The following OPCML variants were observed in gnomAD, a reference collection of about 807,000 sequenced individuals.
OPCML encodes opioid binding protein/cell adhesion molecule like.
In OPCML, 13 loss-of-function variants were observed where a neutral mutation model predicts 37.8. The ratio of observed to expected loss-of-function variants is 0.34; its 90% confidence interval spans 0.22 to 0.55. OPCML has a LOEUF of 0.55. Ranked by LOEUF, OPCML falls within the 20% of genes least tolerant of loss-of-function variation. The pLI, the probability that OPCML is intolerant of heterozygous loss-of-function variation, is 0.91. For synonymous variants in OPCML, 176 were observed against 168.8 expected, an observed-to-expected ratio of 1.04 and a Z score of -0.33; for missense variants, 341 against 435.6, an observed-to-expected ratio of 0.78 and a Z score of 1.93.
At chr11:133,500,641 G>A (rs1947890735) in intron 1 of OPCML, among the ~76,000 whole-genome samples, 1 of 152,178 alleles carries the variant, frequency 6.6e-6, no homozygotes, top group Non-Finnish European at 1.5e-5. Context: ...AGCTCCCATG[G>A]CAGCTCCTGC....
intron 4 of OPCML, among the ~76,000 whole-genome samples, chr11:132,483,592 AG>A (rs2096188567): frequency 6.6e-6 from 1 of 152,218 alleles, no homozygotes; most frequent in African/African-American, 2.4e-5. Context: ...GAACCAAAAA[AG>A]AGCCCGCATC....
intron 3 of OPCML, among the ~76,000 whole-genome samples, chr11:132,562,105 A>G (rs576458373): frequency 1.1e-4 from 17 of 152,306 alleles, no homozygotes; most frequent in Non-Finnish European, 2.4e-4. Context: ...AGAGGAATGT[A>G]TTTGAGTTGT....
chr11:133,099,236 A>G, intron 1 of OPCML, among the ~76,000 whole-genome samples: 1 of 151,884 alleles, frequency 6.6e-6, no homozygotes, highest in East Asian at 1.9e-4. Context: ...AGTCTCCGAA[A>G]CTTTGCCAAC....
At chr11:132,881,805 G>A (rs1943235002) in intron 2 of OPCML, among the ~76,000 whole-genome samples, 1 of 152,136 alleles carries the variant, frequency 6.6e-6, no homozygotes, top group Admixed American at 6.5e-5. Context: ...TTGTAGTGCT[G>A]AAAAGTTGTG....
intron 1 of OPCML, among the ~76,000 whole-genome samples, chr11:133,101,855 C>T (rs7931020): frequency 0.11 from 16,566 of 152,096 alleles, 1,342 homozygotes; most frequent in African/African-American, 0.23. Flanking sequence ...AACTGTGGTA[C>T]TTCCAGGCAC....
chr11:132,601,299 C>T (rs1284963486), intron 3 of OPCML, among the ~76,000 whole-genome samples: 1 of 152,086 alleles, frequency 6.6e-6, no homozygotes, highest in African/African-American at 2.4e-5. Context: ...TGCTCCAGGA[C>T]TGTATAGAGC....
chr11:132,508,841 G>A (rs887227189), intron 4 of OPCML, among the ~76,000 whole-genome samples: 13 of 152,216 alleles, frequency 8.5e-5, no homozygotes, highest in South Asian at 2.1e-4. Context: ...TATCAGCAGC[G>A]TGAAAATGGA....
At chr11:132,556,338 AT>A (rs553879134) in intron 3 of OPCML, among the ~76,000 whole-genome samples, 1 of 152,134 alleles carries the variant, frequency 6.6e-6, no homozygotes, top group East Asian at 1.9e-4. Context: ...ATCTTACTTG[AT>A]TTTTTTCTCC....
chr11:132,826,606 A>G (rs981054203), intron 2 of OPCML, among the ~76,000 whole-genome samples: 1 of 152,306 alleles, frequency 6.6e-6, no homozygotes, highest in South Asian at 2.1e-4. Flanking sequence ...TGGCCATAGC[A>G]CTTCCAAAAC....
At chr11:132,746,460 C>A (rs564761220) in intron 2 of OPCML, among the ~76,000 whole-genome samples, 4 of 152,160 alleles carry the variant, frequency 2.6e-5, no homozygotes, top group East Asian at 1.9e-4. Context: ...CTCCTCCCCC[C>A]ACCTCTGTGT....
At chr11:133,480,863 A>C (rs911543009) in intron 1 of OPCML, among the ~76,000 whole-genome samples, 1 of 152,240 alleles carries the variant, frequency 6.6e-6, no homozygotes, top group Admixed American at 6.5e-5. Context: ...ACAATACTGA[A>C]TGGGATGACT....
intron 2 of OPCML, among the ~76,000 whole-genome samples, chr11:132,746,722 G>A (rs529035097): frequency 1.7e-4 from 26 of 152,288 alleles, no homozygotes; most frequent in South Asian, 8.3e-4. Flanking sequence ...ATTTCATAAC[G>A]TAGCATCACA....
At chr11:133,005,202 C>T in intron 1 of OPCML, 1 of 985,426 alleles carries the variant, frequency 1.0e-6, no homozygotes, top group Non-Finnish European at 1.2e-6. Flanking sequence ...GCCATATCCC[C>T]ACTGCCAACC....
At chr11:132,663,087 C>T (rs1370816126) in intron 2 of OPCML, among the ~76,000 whole-genome samples, 1 of 152,198 alleles carries the variant, frequency 6.6e-6, no homozygotes, top group Non-Finnish European at 1.5e-5. Flanking sequence ...ACTCCATTCT[C>T]TTTGTAATAT....
rs115161499 is a variant in OPCML, at chr11:132,547,838, T to A, written c.380-18652A>T. ...TATCCTTGAACACATGCATTACTGG[T>A]GACAGTGTCAAGCAGCGTGCATTGG... On this transcript the variant is annotated intron_variant, in intron 3 of 7. Transcript: ENST00000524381. Among the ~76,000 whole-genome samples the A allele has an allele frequency of 3.7e-3, 567 of 152,198 alleles. 4 individuals are homozygous for A. Among genetic ancestry groups the A allele is most frequent in the African/African-American group, 0.012 (503 of 41,538 alleles).
At chr11:133,204,886 A>ATATGTG (rs1555114219) in intron 1 of OPCML, among the ~76,000 whole-genome samples, 1 of 42,604 alleles carries the variant, frequency 2.3e-5, no homozygotes, top group African/African-American at 6.5e-5. Context: ...ATATATATAT[A>ATATGTG]TATATATATA....
chr11:133,397,461 C>G (rs1228541657), intron 1 of OPCML, among the ~76,000 whole-genome samples: 2 of 152,204 alleles, frequency 1.3e-5, no homozygotes, highest in Non-Finnish European at 2.9e-5. Flanking sequence ...AGCTTATGTA[C>G]TGAGCGGACT....
At chr11:133,487,775 T>TTGTGTGTGTGTG (rs10625092) in intron 1 of OPCML, among the ~76,000 whole-genome samples, 2 of 147,362 alleles carry the variant, frequency 1.4e-5, no homozygotes, top group African/African-American at 5.0e-5. Context: ...TACTCTGTGT[T>TTGTGTGTGTGTG]TGTGTGTGTG....
chr11:133,253,784 A>G (rs1941221572), intron 1 of OPCML, among the ~76,000 whole-genome samples: 1 of 151,834 alleles, frequency 6.6e-6, no homozygotes, highest in South Asian at 2.1e-4. Context: ...GTTAAAGGTT[A>G]GCATAAAGTT....
Sources: gnomAD v4.1 joint callset for allele counts (sites outside exome capture counted in the v4.1 genomes callset) on GRCh38, gnomAD v4.1.1 for gene constraint, MANE v1.5 for transcripts, NCBI Gene and HGNC (gene_info 2026-07-23, HGNC 2026-07-21) for gene names.